The following SYCE1L variants were observed in gnomAD, a reference collection of about 807,000 sequenced individuals.
SYCE1L encodes synaptonemal complex central element protein 1 like, also known as synaptonemal complex central element protein 1-like.
A neutral mutation model predicts 39.6 loss-of-function variants in SYCE1L; 51 were observed. The observed-to-expected ratio is 1.29, with a 90% CI of 1.03 to 1.63. The LOEUF is 1.63. SYCE1L is among the 40% of genes most tolerant of loss of function. The pLI is 0.00. For missense variants in SYCE1L, 426 were observed against 304.9 expected, an observed-to-expected ratio of 1.40 and a Z score of -2.96; for synonymous variants, 147 against 122.4, an observed-to-expected ratio of 1.20 and a Z score of -1.33.
chr16:77,212,974 C>T lies in SYCE1L; in HGVS notation c.*43C>T. ...GTTCCCGACCTTCCCTCGAGACCCGCCAAGAAATAAAGGCGATGATTTCCG... is the reference window on the plus strand; with the variant it reads ...GTTCCCGACCTTCCCTCGAGACCCGTCAAGAAATAAAGGCGATGATTTCCG... On this transcript the variant is annotated 3_prime_UTR_variant, in exon 11 of 11. Coordinates refer to ENST00000378644, the MANE Select transcript of SYCE1L (RefSeq NM_001129979.3). The T allele has an allele frequency of 6.9e-7, 1 of 1,450,072 alleles. No individual in the cohort carries two copies. Among genetic ancestry groups the T allele is most frequent in the Non-Finnish European group, 9.1e-7 (1 of 1,093,372 alleles). 89.8% of individuals were successfully genotyped at this position (1,450,072 alleles called of 1,614,324 possible). A position where few individuals can be genotyped will look rare whatever the true frequency, so the allele number is the denominator to read the frequency against.
intron 1 of SYCE1L, among the ~76,000 whole-genome samples, chr16:77,205,840 A>C (rs1234146565): frequency 6.6e-6 from 1 of 152,146 alleles, no homozygotes; most frequent in Non-Finnish European, 1.5e-5. Flanking sequence ...GCACTCCCCA[A>C]GGCAGCTTGT....
Position 77,212,343 on chromosome 16 carries a change from C to G in SYCE1L, c.555C>G (p.Val185=). ...VERRLHSPPE[V]EGAMAVNDGL... ...GGCGGCTGCACTCGCCGCCTGAGGT[C>G]GAGGGCGCCATGGCGGTGAATGACG... is the stretch of plus-strand genomic sequence containing the variant. Residue 185 remains valine (V), a synonymous_variant, in exon 9 of 11, where the codon GTC becomes GTG. Transcript: ENST00000378644. 6.6e-7 allele frequency: 1 copy of G among 1,526,308 alleles called. No homozygotes were observed. The highest frequency in any genetic ancestry group is 8.8e-7 in the Non-Finnish European group (1 of 1,138,216). The allele number at this position is 1,526,308 out of a possible 1,614,324, so 94.5% of individuals were successfully genotyped here.
intron 1 of SYCE1L, among the ~76,000 whole-genome samples, chr16:77,204,043 A>G (rs1339143892): frequency 1.3e-5 from 2 of 152,148 alleles, no homozygotes; most frequent in Non-Finnish European, 2.9e-5. Flanking sequence ...AAAGTTTGAA[A>G]TGAAACAGTT....
intron 1 of SYCE1L, among the ~76,000 whole-genome samples, chr16:77,204,137 CA>C (rs1302616029): frequency 1.3e-5 from 2 of 151,854 alleles, no homozygotes; most frequent in East Asian, 3.9e-4. Context: ...GGGCCTGAGA[CA>C]GGTGAAAGGC....
chr16:77,207,167 C>G (rs1159557951), intron 2 of SYCE1L, among the ~76,000 whole-genome samples: 2 of 152,158 alleles, frequency 1.3e-5, no homozygotes, highest in Non-Finnish European at 2.9e-5. Context: ...AAAACAAAGA[C>G]CCCCAGAGAT....
chr16:77,206,644 A>C (rs1301236736), intron 2 of SYCE1L, 144 bp downstream of exon 2: 2 of 811,340 alleles, frequency 2.5e-6, no homozygotes, highest in Admixed American at 5.3e-5. Context: ...TCTTTGAACC[A>C]AGAATACAGT....
intron 8 of SYCE1L, 36 bp downstream of exon 8, chr16:77,212,235 G>C (rs1403921012): frequency 6.5e-7 from 1 of 1,541,994 alleles, no homozygotes. Flanking sequence ...GGGGGAGGGG[G>C]ATGTGCCCGG....
rs1317084899 is a variant in SYCE1L, at chr16:77,208,289, C to G, written c.181+20C>G. The G allele has an allele frequency of 3.2e-6, 5 of 1,551,130 alleles. No individual in the cohort carries two copies. The highest frequency in any genetic ancestry group is 2.7e-5 in the African/African-American group (2 of 73,030). ...AGCAAGGTAAACTTGGGGACTTAGA[C>G]TGGCCAGCTGGGGCGAGCAGGAAGT... On this transcript the variant is annotated intron_variant, in intron 3 of 10. Transcript: ENST00000378644.
intron 6 of SYCE1L, among the ~76,000 whole-genome samples, chr16:77,210,430 T>A (rs2054814759): frequency 6.6e-6 from 1 of 152,190 alleles, no homozygotes; most frequent in Non-Finnish European, 1.5e-5. Context: ...AACCTGATGT[T>A]AGCTAATGTG....
chr16:77,204,353 G>A (rs13337878), intron 1 of SYCE1L, among the ~76,000 whole-genome samples: 2 of 152,166 alleles, frequency 1.3e-5, no homozygotes, highest in African/African-American at 4.8e-5. Flanking sequence ...TGGAAGTAGG[G>A]TCTTTGCAGT....
At chr16:77,205,401 C>T (rs941177733) in intron 1 of SYCE1L, among the ~76,000 whole-genome samples, 1 of 122,550 alleles carries the variant, frequency 8.2e-6, no homozygotes, top group African/African-American at 2.6e-5. Flanking sequence ...TTAGAAGTAA[C>T]ACAGGCTCAT....
intron 1 of SYCE1L, chr16:77,199,787 C>G (rs1597379906): frequency 6.1e-6 from 2 of 329,324 alleles, no homozygotes; most frequent in East Asian, 1.1e-4. Context: ...AGTCTTCAAA[C>G]AAAAGTGGGG....
chr16:77,206,869 G>A (rs1403532069), intron 2 of SYCE1L, among the ~76,000 whole-genome samples: 9 of 152,186 alleles, frequency 5.9e-5, no homozygotes, highest in Admixed American at 5.9e-4. Flanking sequence ...AAATGGAAAT[G>A]CAGTTGGTTT....
At chr16:77,208,031 G>A (rs191724402) in intron 2 of SYCE1L, among the ~76,000 whole-genome samples, 179 bp from the exon 3 acceptor site, 1 of 152,292 alleles carries the variant, frequency 6.6e-6, no homozygotes, top group East Asian at 1.9e-4. Flanking sequence ...TTTGCTCAAT[G>A]TCCATCTTGC....
intron 8 of SYCE1L, 30 bp downstream of exon 8, chr16:77,212,229 G>C (rs919523077): frequency 2.9e-5 from 45 of 1,543,238 alleles, no homozygotes; most frequent in Middle Eastern, 2.1e-4. Flanking sequence ...TGGGCGGGGG[G>C]AGGGGGATGT....
Position 77,213,073 on chromosome 16 carries a change from G to A in SYCE1L, c.*142G>A. ...CGGGGCGTGCTGGGATCTCGAGGCG[G>A]GGCCTCTGCCGGACCCCTCCCACCA... On this transcript the variant is annotated 3_prime_UTR_variant, in exon 11 of 11. Coordinates refer to ENST00000378644, the MANE Select transcript of SYCE1L (RefSeq NM_001129979.3). 2.2e-6 allele frequency: 2 copies of A among 903,534 alleles called. No individual in the cohort carries two copies. The highest frequency in any genetic ancestry group is 3.4e-5 in the South Asian group (1 of 29,150). 56.0% of individuals were successfully genotyped at this position (903,534 alleles called of 1,614,324 possible).
Position 77,203,957 on chromosome 16 carries a change from G to A in SYCE1L, c.62-2484G>A, listed in dbSNP as rs1477413878. The stretch of plus-strand genomic sequence containing the variant: ...CATCTCGCCCACCATTATTAATTAT[G>A]TCCTTAAGACACATTCCTAGGAGTG... On this transcript the variant is annotated intron_variant, in intron 1 of 10. Transcript: ENST00000378644. 3.3e-5 allele frequency among the ~76,000 whole-genome samples: 5 copies of A among 151,982 alleles called. No individual in the cohort carries two copies. The South Asian group carries it at 8.3e-4, about 25-fold the overall frequency.
intron 10 of SYCE1L, 29 bp from the exon 11 acceptor site, chr16:77,212,828 G>A (rs1268617798): frequency 6.8e-7 from 1 of 1,460,226 alleles, no homozygotes; most frequent in African/African-American, 1.4e-5. Flanking sequence ...GTAGGAACCT[G>A]GTCCGCAGCC....
rs1415159780 is a variant in SYCE1L at position 77,208,519 on chromosome 16, T to C, written c.236T>C (p.Leu79Pro). Residue 79 changes from leucine (L) to proline (P), a missense_variant, in exon 4 of 11, where the codon CTG (leucine) becomes CCG (proline). Coordinates refer to ENST00000378644, the MANE Select transcript of SYCE1L (RefSeq NM_001129979.3). The stretch of plus-strand genomic sequence containing the variant: ...GAGACCCACAGTCTCTGGGAGGCCC[T>C]GCATAGGGAATTAGACTCCTGTAAG... ...LRETHSLWEA[L>P]HRELDSLNGE... The C allele has an allele frequency of 6.4e-6, 10 of 1,551,602 alleles. No individual in the cohort carries two copies. Among genetic ancestry groups the C allele is most frequent in the Non-Finnish European group, 8.7e-6 (10 of 1,147,002 alleles).
Sources: allele counts gnomAD v4.1 joint callset (sites outside exome capture counted in the v4.1 genomes callset), GRCh38; gene constraint gnomAD v4.1.1; transcripts MANE v1.5; gene names NCBI Gene and HGNC (gene_info 2026-07-23, HGNC 2026-07-21).